RPS6KA2: variants seen among roughly 807,000 people sequenced by gnomAD.
The protein encoded by RPS6KA2 is ribosomal protein S6 kinase alpha-2.
Under a neutral mutation model 91.8 loss-of-function variants are expected in RPS6KA2, and 42 were observed. The ratio of observed to expected loss-of-function variants is 0.46; its 90% CI spans 0.36 to 0.59. The LOEUF (loss-of-function observed/expected upper bound fraction) is 0.59, where lower values mean the gene tolerates loss of function less well. Among genes scored for constraint, RPS6KA2 ranks in the 20% least tolerant of loss-of-function variants. The pLI is 0.00. For missense variants in RPS6KA2, 798 were observed against 978.5 expected, an observed-to-expected ratio of 0.82 and a Z score of 2.46; for synonymous variants, 414 against 393.6, an observed-to-expected ratio of 1.05 and a Z score of -0.61.
intron 2 of RPS6KA2, among the ~76,000 whole-genome samples, chr6:166,641,164 G>A (rs754629035): frequency 1.3e-5 from 2 of 152,132 alleles, no homozygotes; most frequent in Non-Finnish European, 2.9e-5. Flanking sequence ...AGGGGCATGA[G>A]CTCGCAAACA....
chr6:166,794,441 G>C (rs1205111433), intron 2 of RPS6KA2, among the ~76,000 whole-genome samples: 1 of 151,882 alleles, frequency 6.6e-6, no homozygotes, highest in Non-Finnish European at 1.5e-5. Flanking sequence ...GTGGAAGTCA[G>C]TGTGGCGATT....
Position 166,508,127 on chromosome 6 carries a change from C to T in RPS6KA2, c.459+76G>A. 1.1e-6 allele frequency: 1 copy of T among 927,086 alleles called. No homozygotes were observed. The highest frequency in any genetic ancestry group is 1.7e-6 in the Non-Finnish European group (1 of 577,410). 57.4% of individuals were successfully genotyped at this position (927,086 alleles called of 1,614,324 possible). A position where few individuals can be genotyped will look rare whatever the true frequency, so the allele number is the denominator to read the frequency against. On this transcript the variant is annotated intron_variant, in intron 5 of 20. Coordinates refer to ENST00000265678, the MANE Select transcript of RPS6KA2 (RefSeq NM_021135.6). This position sits in a 1 kb window ranked among gnomAD's most constrained non-coding sequence, Gnocchi z 4.3. Reference sequence around the variant, plus strand: ...CGCACGTGCTCACGTCCTCTCAATGCTCTCCACCCCTCCTCCCCTCGAGTC... The same window carrying T: ...CGCACGTGCTCACGTCCTCTCAATGTTCTCCACCCCTCCTCCCCTCGAGTC...
chr6:166,829,132 G>T (rs1334423875), intron 2 of RPS6KA2, among the ~76,000 whole-genome samples: 1 of 152,146 alleles, frequency 6.6e-6, no homozygotes, highest in Non-Finnish European at 1.5e-5. Context: ...TAAAGCCACA[G>T]TAAGGCACCA....
chr6:166,790,888 G>A (rs12193532), intron 2 of RPS6KA2, among the ~76,000 whole-genome samples: 45,323 of 151,862 alleles, frequency 0.3, 7,019 homozygotes, highest in Middle Eastern at 0.34. Flanking sequence ...AGGAACAACC[G>A]GTACCAGCCA....
At chr6:166,622,160 G>A (rs763946659) in intron 1 of RPS6KA2, among the ~76,000 whole-genome samples, 3 of 152,072 alleles carry the variant, frequency 2.0e-5, no homozygotes, top group Non-Finnish European at 4.4e-5. Flanking sequence ...GGAAAAGGAC[G>A]GGCAAAGCAA....
intron 2 of RPS6KA2, among the ~76,000 whole-genome samples, chr6:166,675,039 C>T (rs1788578900): frequency 6.6e-6 from 1 of 152,216 alleles, no homozygotes; most frequent in Admixed American, 6.5e-5. Context: ...AAAGAGTGAG[C>T]TGCAGTGCAC....
At chr6:166,745,887 G>C (rs1790992689) in intron 2 of RPS6KA2, among the ~76,000 whole-genome samples, 1 of 152,222 alleles carries the variant, frequency 6.6e-6, no homozygotes. Flanking sequence ...TCAAAAAATA[G>C]AGACTAATTT....
At chr6:166,653,935 T>C (rs537457654) in intron 2 of RPS6KA2, among the ~76,000 whole-genome samples, 3 of 152,232 alleles carry the variant, frequency 2.0e-5, no homozygotes, top group Non-Finnish European at 4.4e-5. Flanking sequence ...GCAAAAATCA[T>C]GAATATTTTT....
At position 166,448,742 on chromosome 6, in the gene RPS6KA2, G is replaced by T; in HGVS notation, c.1314C>A (p.Asp438Glu). ...VCKRCVHKAT[D>E]TEYAVKIIDK... is the part of the protein sequence containing the mutation. Reference sequence around the variant, plus strand: ...GCCTTACCTTCACGGCATACTCGGTGTCTGTGGCTTTATGCACACATCGCT... The same window carrying T: ...GCCTTACCTTCACGGCATACTCGGTTTCTGTGGCTTTATGCACACATCGCT... The change falls in exon 14 of 21, where the codon GAC (aspartate) becomes GAA (glutamate). Residue 438 changes from aspartate (D) to glutamate (E), a missense_variant. Transcript: ENST00000265678. This position sits in a 1 kb window ranked among gnomAD's most constrained non-coding sequence, Gnocchi z 4.7. The T allele has an allele frequency of 5.0e-6, 8 of 1,613,068 alleles. No individual in the cohort carries two copies. Among genetic ancestry groups the T allele is most frequent in the Non-Finnish European group, 6.8e-6 (8 of 1,179,610 alleles).
chr6:166,618,040 C>A (rs1485617644), intron 1 of RPS6KA2, among the ~76,000 whole-genome samples: 2 of 152,244 alleles, frequency 1.3e-5, no homozygotes, highest in African/African-American at 4.8e-5. Flanking sequence ...TGAAGCTCTG[C>A]AGACTCGGAG....
At chr6:166,804,692 AT>A (rs1179527294) in intron 2 of RPS6KA2, among the ~76,000 whole-genome samples, 1 of 152,050 alleles carries the variant, frequency 6.6e-6, no homozygotes, top group Non-Finnish European at 1.5e-5. Flanking sequence ...TCCATTAATA[AT>A]TTTTTAATAC....
chr6:166,643,815 G>C (rs1190842182), intron 2 of RPS6KA2, among the ~76,000 whole-genome samples: 1 of 152,220 alleles, frequency 6.6e-6, no homozygotes, highest in Non-Finnish European at 1.5e-5. Flanking sequence ...ATGCTCTTAA[G>C]ATACTAGGAA....
intron 3 of RPS6KA2, among the ~76,000 whole-genome samples, chr6:166,518,059 G>A (rs1036565103): frequency 1.3e-5 from 2 of 151,900 alleles, no homozygotes; most frequent in African/African-American, 4.8e-5. Flanking sequence ...GCGCTGCTGG[G>A]TTAGGGTCTC....
chr6:166,838,385 T>C lies in RPS6KA2; in HGVS notation c.123+19815A>G, dbSNP rs542896529. 3.3e-5 allele frequency among the ~76,000 whole-genome samples: 5 copies of C among 152,256 alleles called. No homozygotes were observed. In the South Asian group the frequency reaches 6.2e-4, roughly 19 times the overall value. On this transcript the variant is annotated intron_variant, in intron 2 of 21. Coordinates refer to the RPS6KA2 transcript ENST00000503859. ...ATAGCATTGTGCTTATGGAGGAAAA[T>C]GTATTTATTTTTCAGAGAGCCATAC...
At chr6:166,624,841 C>T (rs894158434) in intron 1 of RPS6KA2, among the ~76,000 whole-genome samples, 1 of 151,880 alleles carries the variant, frequency 6.6e-6, no homozygotes, top group African/African-American at 2.4e-5. Context: ...TTAGCATTGA[C>T]CTTTTTTTTT....
chr6:166,539,558 G>A (rs750414642), intron 1 of RPS6KA2, among the ~76,000 whole-genome samples: 12 of 152,172 alleles, frequency 7.9e-5, no homozygotes, highest in Non-Finnish European at 1.8e-4. Flanking sequence ...TAAAGAACAC[G>A]TCATTGCCAT....
chr6:166,574,570 C>G (rs1784786860), intron 1 of RPS6KA2, among the ~76,000 whole-genome samples: 1 of 152,162 alleles, frequency 6.6e-6, no homozygotes, highest in Non-Finnish European at 1.5e-5. Context: ...TAATGAGCAC[C>G]TAAGTTGATT....
At chr6:166,504,465 G>T in intron 6 of RPS6KA2, 41 bp downstream of exon 6, 1 of 1,187,480 alleles carries the variant, frequency 8.4e-7, no homozygotes, top group Non-Finnish European at 1.2e-6. Context: ...ACATGGAGCT[G>T]ATGGGCGTGG....
At chr6:166,555,612 G>A (rs996731318) in intron 1 of RPS6KA2, among the ~76,000 whole-genome samples, 2 of 151,926 alleles carry the variant, frequency 1.3e-5, no homozygotes, top group African/African-American at 4.8e-5. Context: ...GGGATGCTAC[G>A]ATTGAGCCTC....
Sources: gnomAD v4.1 joint callset for allele counts (sites outside exome capture counted in the v4.1 genomes callset) on GRCh38, gnomAD v4.1.1 for gene constraint, Gnocchi (gnomAD v3.1) non-coding constraint, MANE v1.5 for transcripts, NCBI Gene and HGNC (gene_info 2026-07-23, HGNC 2026-07-21) for gene names.